The following RHOA variants were observed in gnomAD, a reference collection of about 807,000 sequenced individuals.
The protein encoded by RHOA is ras homolog family member A.
A neutral mutation model predicts 17.5 loss-of-function variants in RHOA; 3 were observed. The ratio of observed to expected loss-of-function variants is 0.17; its 90% CI spans 0.08 to 0.44. RHOA has a LOEUF of 0.44. Among genes scored for constraint, RHOA ranks in the 20% least tolerant of loss-of-function variants. The pLI is 0.99. For missense variants in RHOA, 56 were observed against 242.3 expected, an observed-to-expected ratio of 0.23 and a Z score of 5.10; for synonymous variants, 98 against 88.4, an observed-to-expected ratio of 1.11 and a Z score of -0.61.
intron 1 of RHOA, among the ~76,000 whole-genome samples, chr3:49,380,676 AT>A (rs1220009140): frequency 8.6e-4 from 13 of 15,134 alleles, no homozygotes; most frequent in East Asian, 0.5. Context: ...TGTCTCAAAA[AT>A]AATAATAATA....
chr3:49,379,516 A>G (rs1273947286), intron 1 of RHOA, among the ~76,000 whole-genome samples: 2 of 152,052 alleles, frequency 1.3e-5, no homozygotes, highest in East Asian at 1.9e-4. Context: ...TATAATTCAC[A>G]CATTTTATTT....
chr3:49,395,426 C>T (rs2048598417), intron 1 of RHOA, among the ~76,000 whole-genome samples: 1 of 151,882 alleles, frequency 6.6e-6, no homozygotes. Context: ...AGAAACAAAG[C>T]CTGGCCGGGC....
chr3:49,376,639 T>A (rs1367949538), intron 1 of RHOA, among the ~76,000 whole-genome samples: 6 of 106,584 alleles, frequency 5.6e-5, no homozygotes, highest in South Asian at 3.1e-4. Context: ...TAAGACTCCA[T>A]CTCACAAAAA....
In RHOA at chr3:49,361,028, C is replaced by T. The variant is rs530569331; in HGVS notation, c.409-646G>A. 6 of 187,904 alleles carry T rather than the reference C, an allele frequency of 3.2e-5. 1 individual carries two copies. Among genetic ancestry groups the T allele is most frequent in the African/African-American group, 1.2e-4 (5 of 40,512 alleles). The allele number at this position is 187,904 out of a possible 1,614,324, so 11.6% of individuals were successfully genotyped here. ...GCGGAGGTTGCAGTTGAGCCAAGATCGTGCCACAGCACTCCAGCCTGGCGA... is the reference window on the plus strand; with the variant it reads ...GCGGAGGTTGCAGTTGAGCCAAGATTGTGCCACAGCACTCCAGCCTGGCGA... On this transcript the variant is annotated intron_variant, in intron 4 of 4. Coordinates refer to ENST00000418115, the MANE Select transcript of RHOA (RefSeq NM_001664.4).
chr3:49,384,357 G>A (rs999974806), intron 1 of RHOA, among the ~76,000 whole-genome samples: 6 of 152,102 alleles, frequency 3.9e-5, no homozygotes, highest in South Asian at 2.1e-4. Flanking sequence ...AGGAAATCAC[G>A]CTTAGCTCTC....
intron 1 of RHOA, among the ~76,000 whole-genome samples, chr3:49,395,364 T>G (rs2048597223): frequency 6.6e-6 from 1 of 152,076 alleles, no homozygotes; most frequent in South Asian, 2.1e-4. Flanking sequence ...CATTCTATTC[T>G]GTAAGGAAGG....
chr3:49,386,889 G>T (rs968753424), intron 1 of RHOA, among the ~76,000 whole-genome samples: 1 of 151,166 alleles, frequency 6.6e-6, no homozygotes, highest in African/African-American at 2.4e-5. Flanking sequence ...GAGGCAAATG[G>T]ATCACCTGAC....
chr3:49,366,342 C>T (rs986343854), intron 3 of RHOA, among the ~76,000 whole-genome samples: 14 of 152,170 alleles, frequency 9.2e-5, no homozygotes, highest in Non-Finnish European at 2.1e-4. Context: ...GTGGCTCACA[C>T]CTGTAATCCC....
chr3:49,404,340 A>C (rs1206023098), intron 1 of RHOA, among the ~76,000 whole-genome samples: 1 of 150,338 alleles, frequency 6.7e-6, no homozygotes, highest in African/African-American at 2.4e-5. Flanking sequence ...CACACCCGTA[A>C]TCCCAGTACT....
intron 1 of RHOA, among the ~76,000 whole-genome samples, chr3:49,377,186 T>C (rs1477464862): frequency 1.3e-5 from 2 of 151,970 alleles, no homozygotes; most frequent in Non-Finnish European, 2.9e-5. Flanking sequence ...ATCCCAACAC[T>C]TTGGGAGACT....
intron 1 of RHOA, among the ~76,000 whole-genome samples, chr3:49,400,687 C>T (rs1038217495): frequency 6.6e-6 from 1 of 151,998 alleles, no homozygotes; most frequent in African/African-American, 2.4e-5. Context: ...TGCCACTGCA[C>T]TCCAGCCTGG....
At chr3:49,382,780 C>A (rs1251466984) in intron 1 of RHOA, among the ~76,000 whole-genome samples, 6 of 152,118 alleles carry the variant, frequency 3.9e-5, no homozygotes, top group Non-Finnish European at 5.9e-5. Flanking sequence ...CTGCTTTGGC[C>A]GAGTGTGCTG....
intron 3 of RHOA, among the ~76,000 whole-genome samples, chr3:49,364,079 G>A (rs1235917077): frequency 6.6e-6 from 1 of 152,096 alleles, no homozygotes; most frequent in Non-Finnish European, 1.5e-5. Flanking sequence ...GCTGGGCGCA[G>A]TGGCTCACGT....
chr3:49,365,899 AT>A (rs1440508307), intron 3 of RHOA, among the ~76,000 whole-genome samples: 1 of 152,066 alleles, frequency 6.6e-6, no homozygotes, highest in Non-Finnish European at 1.5e-5. Context: ...CCTAAAAAAT[AT>A]AAAAATTAAC....
At chr3:49,389,988 T>G (rs1475890667) in intron 1 of RHOA, among the ~76,000 whole-genome samples, 1 of 150,438 alleles carries the variant, frequency 6.6e-6, no homozygotes, top group East Asian at 1.9e-4. Flanking sequence ...ACTTGATTAG[T>G]AGGCCCAAGT....
In RHOA at chr3:49,387,939, G is replaced by C. The variant is rs1440535480; in HGVS notation, c.-2-12348C>G. Among the ~76,000 whole-genome samples, 3 of 151,366 alleles carry C rather than the reference G, an allele frequency of 2.0e-5. No homozygotes were observed. The East Asian group carries it at 5.8e-4, about 29-fold the overall frequency. On this transcript the variant is annotated intron_variant, in intron 1 of 4. Transcript: ENST00000418115. The stretch of plus-strand genomic sequence containing the variant: ...TTTGGTTCTAGCATGTCTTACACCT[G>C]TTTACTCTTACTGTTTTAATGTCTG...
intron 3 of RHOA, among the ~76,000 whole-genome samples, chr3:49,366,026 G>C (rs1179713886): frequency 6.6e-6 from 1 of 152,152 alleles, no homozygotes; most frequent in Admixed American, 6.6e-5. Flanking sequence ...CTGCACTCAA[G>C]ACTGGGCAAG....
chr3:49,367,694 G>A (rs2048081971), intron 3 of RHOA, among the ~76,000 whole-genome samples: 1 of 151,494 alleles, frequency 6.6e-6, no homozygotes, highest in African/African-American at 2.4e-5. Flanking sequence ...GCTAATTTTT[G>A]TATTTTAGTA....
intron 1 of RHOA, among the ~76,000 whole-genome samples, chr3:49,403,625 G>A (rs2048764142): frequency 6.6e-6 from 1 of 152,062 alleles, no homozygotes; most frequent in Non-Finnish European, 1.5e-5. Context: ...TACTCGGGAG[G>A]CTAAAGCAGA....
Sources: allele counts gnomAD v4.1 joint callset (sites outside exome capture counted in the v4.1 genomes callset), GRCh38; gene constraint gnomAD v4.1.1; transcripts MANE v1.5; gene names NCBI Gene and HGNC (gene_info 2026-07-23, HGNC 2026-07-21).